GLRA3: variants seen among roughly 807,000 people sequenced by gnomAD.
GLRA3 encodes the protein glycine receptor alpha 3, also known as glycine receptor subunit alpha-3.
In GLRA3, 44 loss-of-function variants were observed where a neutral mutation model predicts 60.4. The ratio of observed to expected loss-of-function variants is 0.73; its 90% CI spans 0.57 to 0.94. GLRA3 has a LOEUF of 0.94. GLRA3 is among the 40% of genes least tolerant of loss of function. The pLI is 0.00. For missense variants in GLRA3, 508 were observed against 564.6 expected, an observed-to-expected ratio of 0.90 and a Z score of 1.02; for synonymous variants, 223 against 192.9, an observed-to-expected ratio of 1.16 and a Z score of -1.29.
intron 6 of GLRA3, 91 bp from the exon 7 acceptor site, chr4:174,677,383 AG>A: frequency 1.4e-6 from 1 of 735,296 alleles, no homozygotes; most frequent in Non-Finnish European, 2.3e-6. Context: ...TTTTTGAGAC[AG>A]GGTCTCACTC....
chr4:174,720,415 A>C (rs1259937469), intron 4 of GLRA3, among the ~76,000 whole-genome samples: 1 of 152,168 alleles, frequency 6.6e-6, no homozygotes, highest in Non-Finnish European at 1.5e-5. Flanking sequence ...TATTTAATGT[A>C]TTTTAATACA....
chr4:174,766,047 A>C (rs2111235306), intron 3 of GLRA3, among the ~76,000 whole-genome samples: 1 of 151,952 alleles, frequency 6.6e-6, no homozygotes, highest in African/African-American at 2.4e-5. Context: ...TCATATATGT[A>C]AAAATTTGCA....
intron 2 of GLRA3, among the ~76,000 whole-genome samples, chr4:174,788,378 C>T (rs148433907): frequency 8.6e-5 from 13 of 151,856 alleles, no homozygotes; most frequent in African/African-American, 3.1e-4. Flanking sequence ...GACTGTTTCC[C>T]AATAGGTAAA....
At chr4:174,729,217 G>A (rs1239967913) in intron 3 of GLRA3, among the ~76,000 whole-genome samples, 3 of 152,160 alleles carry the variant, frequency 2.0e-5, no homozygotes, top group Non-Finnish European at 4.4e-5. Flanking sequence ...TAGACACTTA[G>A]AGAAAGATAT....
intron 6 of GLRA3, among the ~76,000 whole-genome samples, chr4:174,678,863 TTATAA>T (rs1317150621): frequency 6.6e-6 from 1 of 152,138 alleles, no homozygotes; most frequent in Non-Finnish European, 1.5e-5. Flanking sequence ...TGAAACATAT[TTATAA>T]TATCAGTTAA....
Position 174,643,074 on chromosome 4 carries a change from T to C in GLRA3, c.*712A>G. 1.1e-6 allele frequency: 1 copy of C among 947,324 alleles called. No homozygotes were observed. The highest frequency in any genetic ancestry group is 1.3e-6 in the Non-Finnish European group (1 of 796,120). The allele number at this position is 947,324 out of a possible 1,614,324, so 58.7% of individuals were successfully genotyped here. A position where few individuals can be genotyped will look rare whatever the true frequency, so the allele number is the denominator to read the frequency against. The stretch of plus-strand genomic sequence containing the variant: ...TAATACTTATTTAAAAACAAAGTTG[T>C]TTCCCGTATTTCCACCTTCGTTCCT... On this transcript the variant is annotated 3_prime_UTR_variant, in exon 10 of 10. Transcript: ENST00000274093.
At chr4:174,654,169 G>C (rs1248241352) in intron 9 of GLRA3, among the ~76,000 whole-genome samples, 1 of 152,150 alleles carries the variant, frequency 6.6e-6, no homozygotes, top group Non-Finnish European at 1.5e-5. Flanking sequence ...TGAATAATTA[G>C]TGTATATGGA....
chr4:174,683,870 T>G (rs559439581), intron 5 of GLRA3, among the ~76,000 whole-genome samples: 2 of 152,294 alleles, frequency 1.3e-5, no homozygotes, highest in Admixed American at 6.5e-5. Flanking sequence ...TTCGTGAAGA[T>G]TTTGATACAC....
chr4:174,798,715 T>A (rs529403294), intron 1 of GLRA3, among the ~76,000 whole-genome samples: 7 of 152,178 alleles, frequency 4.6e-5, no homozygotes, highest in Non-Finnish European at 1.0e-4. Context: ...ACGAGGTCAG[T>A]AGACGGAGAC....
chr4:174,805,244 A>AT (rs1739993219), intron 1 of GLRA3, among the ~76,000 whole-genome samples: 1 of 151,796 alleles, frequency 6.6e-6, no homozygotes, highest in African/African-American at 2.4e-5. Flanking sequence ...TGGCTTTAAA[A>AT]TTTTTTCTCA....
chr4:174,801,547 C>T (rs968727806), intron 1 of GLRA3, among the ~76,000 whole-genome samples: 3 of 152,046 alleles, frequency 2.0e-5, no homozygotes, highest in African/African-American at 7.2e-5. Flanking sequence ...TTCCAATTCT[C>T]AAGATGAAAA....
chr4:174,820,912 A>G (rs546345572), intron 1 of GLRA3, among the ~76,000 whole-genome samples: 2 of 149,612 alleles, frequency 1.3e-5, no homozygotes, highest in East Asian at 4.1e-4. Context: ...TTTTTTTTTT[A>G]AATTTCATAG....
At chr4:174,778,845 T>A (rs1268447869) in intron 2 of GLRA3, among the ~76,000 whole-genome samples, 1 of 152,314 alleles carries the variant, frequency 6.6e-6, no homozygotes, top group East Asian at 1.9e-4. Context: ...CGCTGATTGC[T>A]AGCACAGCAG....
chr4:174,670,625 C>T (rs746941381), intron 7 of GLRA3, among the ~76,000 whole-genome samples: 1 of 152,130 alleles, frequency 6.6e-6, no homozygotes, highest in Non-Finnish European at 1.5e-5. Flanking sequence ...ATGATTCGGC[C>T]ATATACTTTC....
intron 5 of GLRA3, among the ~76,000 whole-genome samples, chr4:174,700,768 T>G (rs374396217): frequency 5.9e-5 from 9 of 152,266 alleles, no homozygotes; most frequent in African/African-American, 1.9e-4. Context: ...TGGAGAAAGT[T>G]TGAGTGGTCT....
intron 5 of GLRA3, among the ~76,000 whole-genome samples, chr4:174,683,945 G>A (rs1021539421): frequency 1.3e-5 from 2 of 152,122 alleles, no homozygotes; most frequent in African/African-American, 4.8e-5. Context: ...AATTCAAAGA[G>A]AGGGTAGCAT....
intron 9 of GLRA3, among the ~76,000 whole-genome samples, chr4:174,652,444 T>A (rs1207694036): frequency 6.6e-6 from 1 of 152,024 alleles, no homozygotes; most frequent in East Asian, 1.9e-4. Context: ...AGAAGTAGTT[T>A]AGTTTACCCA....
chr4:174,692,331 C>T (rs1442211259), intron 5 of GLRA3, among the ~76,000 whole-genome samples: 1 of 147,658 alleles, frequency 6.8e-6, no homozygotes, highest in African/African-American at 2.6e-5. Context: ...GGTCAGCCCC[C>T]CGCTCGGCCA....
At chr4:174,670,047 T>C (rs563860785) in intron 7 of GLRA3, among the ~76,000 whole-genome samples, 14 of 152,336 alleles carry the variant, frequency 9.2e-5, no homozygotes, top group African/African-American at 2.9e-4. Context: ...CTTCAGTAAC[T>C]GGAGTTTTAC....
Sources: allele counts gnomAD v4.1 joint callset (sites outside exome capture counted in the v4.1 genomes callset), GRCh38; gene constraint gnomAD v4.1.1; transcripts MANE v1.5; gene names NCBI Gene and HGNC (gene_info 2026-07-23, HGNC 2026-07-21).